BABAM2: variants seen among roughly 807,000 people sequenced by gnomAD.
The protein encoded by BABAM2 is BRISC and BRCA1-A complex member 2.
In BABAM2, 31 loss-of-function variants were observed where a neutral mutation model predicts 54.7. The ratio of observed to expected loss-of-function variants is 0.57; its 90% confidence interval spans 0.43 to 0.77. BABAM2 has a LOEUF of 0.77. Among genes scored for constraint, BABAM2 ranks in the 30% least tolerant of loss-of-function variants. The pLI is 0.00. For missense variants in BABAM2, 364 were observed against 455.8 expected (o/e 0.80, Z 1.83); for synonymous variants, 167 against 162.9 (o/e 1.03, Z -0.19).
intron 3 of BABAM2, among the ~76,000 whole-genome samples, chr2:27,973,819 G>A (rs1008742327): frequency 7.2e-5 from 11 of 152,120 alleles, no homozygotes; most frequent in Non-Finnish European, 4.4e-5. Context: ...TGGGTGGTGC[G>A]TACTTTGGGA....
intron 6 of BABAM2, among the ~76,000 whole-genome samples, chr2:28,079,777 T>C (rs1665003466): frequency 6.6e-6 from 1 of 152,158 alleles, no homozygotes; most frequent in African/African-American, 2.4e-5. Context: ...TGGATTTCAT[T>C]TCACTGATTG....
intron 6 of BABAM2, among the ~76,000 whole-genome samples, chr2:28,090,952 A>G (rs1047702547): frequency 6.6e-6 from 1 of 152,230 alleles, no homozygotes; most frequent in African/African-American, 2.4e-5. Context: ...AATGAGATCT[A>G]CAAAAAATAT....
intron 3 of BABAM2, among the ~76,000 whole-genome samples, chr2:27,962,701 C>A (rs1670557166): frequency 6.6e-6 from 1 of 152,092 alleles, no homozygotes; most frequent in Non-Finnish European, 1.5e-5. Flanking sequence ...TACTATTTTG[C>A]TATAGTACCT....
chr2:27,949,957 C>T (rs1669582978), intron 3 of BABAM2, among the ~76,000 whole-genome samples: 2 of 152,090 alleles, frequency 1.3e-5, no homozygotes, highest in African/African-American at 4.8e-5. Flanking sequence ...CACAGAGAGA[C>T]CACCTTTTTC....
intron 7 of BABAM2, among the ~76,000 whole-genome samples, chr2:28,144,216 T>A (rs1671305722): frequency 1.3e-5 from 2 of 152,246 alleles, no homozygotes; most frequent in Non-Finnish European, 2.9e-5. Context: ...TTGCTGTTCT[T>A]GCTGTTACTG....
chr2:28,226,637 A>G (rs1680915000), intron 7 of BABAM2, among the ~76,000 whole-genome samples: 1 of 152,166 alleles, frequency 6.6e-6, no homozygotes, highest in South Asian at 2.1e-4. Context: ...GGCTTATCTT[A>G]AATAGATGGT....
At chr2:27,950,311 A>G (rs1207907363) in intron 3 of BABAM2, among the ~76,000 whole-genome samples, 1 of 152,224 alleles carries the variant, frequency 6.6e-6, no homozygotes, top group Middle Eastern at 3.2e-3. Flanking sequence ...TTTCATTAGC[A>G]ATTAATAAAG....
At position 28,032,038 on chromosome 2, in the gene BABAM2, C is replaced by A. The variant is rs903574090; in HGVS notation, c.495+6618C>A. Among the ~76,000 whole-genome samples the A allele has an allele frequency of 1.4e-4, 21 of 152,072 alleles. 1 individual carries two copies. Among genetic ancestry groups the A allele is most frequent in the African/African-American group, 4.1e-4 (17 of 41,414 alleles). ...TCTCTAAATGAAACATTATAAGAAT[C>A]AATAGGTTCTTCCTGATCTGAATGG... On this transcript the variant is annotated intron_variant, in intron 5 of 11. Coordinates refer to ENST00000379624, the MANE Select transcript of BABAM2 (RefSeq NM_199191.3).
intron 7 of BABAM2, among the ~76,000 whole-genome samples, chr2:28,197,026 T>G (rs1194843681): frequency 1.3e-5 from 2 of 151,528 alleles, no homozygotes; most frequent in Admixed American, 1.3e-4. Context: ...TTGGTATTTT[T>G]TATAGAGATG....
At chr2:28,134,204 CAAA>C (rs11321296) in intron 7 of BABAM2, among the ~76,000 whole-genome samples, 51 of 107,012 alleles carry the variant, frequency 4.8e-4, no homozygotes, top group Non-Finnish European at 6.1e-4. Context: ...GTGAGTTATG[CAAA>C]AAAAAAAAAA....
At chr2:28,026,778 A>ATATATATCTATATAT (rs1558666716) in intron 5 of BABAM2, among the ~76,000 whole-genome samples, 2 of 102,556 alleles carry the variant, frequency 2.0e-5, no homozygotes, top group African/African-American at 8.0e-5. Context: ...AATATATAAA[A>ATATATATCTATATAT]AAATATAAAT....
chr2:28,188,901 T>TAA (rs1369114473), intron 7 of BABAM2, among the ~76,000 whole-genome samples: 1 of 152,154 alleles, frequency 6.6e-6, no homozygotes, highest in Admixed American at 6.5e-5. Context: ...GTCCTTTCAT[T>TAA]AAAAAAAGGA....
At chr2:28,158,424 A>G (rs1672754472) in intron 7 of BABAM2, among the ~76,000 whole-genome samples, 1 of 152,252 alleles carries the variant, frequency 6.6e-6, no homozygotes, top group Admixed American at 6.5e-5. Context: ...ACTGAAATAC[A>G]CACTGTTGTA....
At chr2:28,012,762 C>A (rs1371267657) in intron 4 of BABAM2, among the ~76,000 whole-genome samples, 1 of 152,116 alleles carries the variant, frequency 6.6e-6, no homozygotes, top group Non-Finnish European at 1.5e-5. Flanking sequence ...AATTAAGATT[C>A]TTTTCCTTTG....
rs1480108254 is a variant in BABAM2 at position 28,045,767 on chromosome 2, G to A, written c.538G>A (p.Asp180Asn). 2 of 1,611,734 alleles carry A rather than the reference G, an allele frequency of 1.2e-6. No homozygotes were observed. Among genetic ancestry groups the A allele is most frequent in the African/African-American group, 2.7e-5 (2 of 75,006 alleles). ...TCGTTTCCTTTTGAAGCTGCCCGTA[G>A]ATTTCAGCAATATCCCCACATACCT... Reference protein sequence around the residue: ...SARFLLKLPVDFSNIPTYLLK... With the variant: ...SARFLLKLPVNFSNIPTYLLK... The change falls in exon 6 of 12, where the codon GAT becomes AAT. Residue 180 changes from aspartate to asparagine, a missense_variant. Asp to Asn is a conservative substitution (Grantham distance 23). Transcript: ENST00000379624.
At chr2:28,026,926 A>T (rs5014227) in intron 5 of BABAM2, among the ~76,000 whole-genome samples, 52,634 of 76,336 alleles carry the variant, frequency 0.69, 19,518 homozygotes, top group Middle Eastern at 0.84. Flanking sequence ...TAATATATAT[A>T]AATATATATA....
At chr2:27,962,809 C>T (rs571898145) in intron 3 of BABAM2, among the ~76,000 whole-genome samples, 2 of 152,256 alleles carry the variant, frequency 1.3e-5, no homozygotes, top group Admixed American at 1.3e-4. Flanking sequence ...CATTTGATGT[C>T]ATCTAATTTA....
intron 10 of BABAM2, among the ~76,000 whole-genome samples, chr2:28,262,532 C>T (rs183995577): frequency 6.6e-6 from 1 of 151,904 alleles, no homozygotes; most frequent in East Asian, 1.9e-4. Flanking sequence ...TGTGATTGAT[C>T]CCAAGTAGAA....
rs191040165 is a variant in BABAM2, at chr2:28,280,115, A to G, written c.935-18223A>G. Among the ~76,000 whole-genome samples, 152 of 151,958 alleles carry G rather than the reference A, an allele frequency of 1.0e-3. 1 individual carries two copies. Among genetic ancestry groups the G allele is most frequent in the African/African-American group, 3.5e-3 (145 of 41,414 alleles). On this transcript the variant is annotated intron_variant, in intron 10 of 11. Coordinates refer to ENST00000379624, the MANE Select transcript of BABAM2 (RefSeq NM_199191.3). ...GATCTGTTGCCCAGGCTAGAATGCA[A>G]TGGTTTGAACACAGCTCACTGCAGC...
Sources: gnomAD v4.1 joint callset for allele counts (sites outside exome capture counted in the v4.1 genomes callset) on GRCh38, gnomAD v4.1.1 for gene constraint, MANE v1.5 for transcripts, NCBI Gene and HGNC (gene_info 2026-07-23, HGNC 2026-07-21) for gene names.